Variants in ETNK2 observed in about 807,000 individuals in gnomAD.
ETNK2 encodes ethanolamine kinase 2.
Under a neutral mutation model 46.2 loss-of-function variants are expected in ETNK2, and 33 were observed. The ratio of observed to expected loss-of-function variants is 0.71; its 90% CI spans 0.54 to 0.96. The LOEUF is 0.96. Among genes scored for constraint, ETNK2 ranks in the 40% least tolerant of loss-of-function variants. The pLI is 0.00. For synonymous variants in ETNK2, 194 were observed against 209.0 expected (o/e 0.93, Z 0.62); for missense variants, 445 against 509.7 (o/e 0.87, Z 1.22).
chr1:204,135,067 T>C (rs1355483204), intron 6 of ETNK2, among the ~76,000 whole-genome samples: 1 of 152,058 alleles, frequency 6.6e-6, no homozygotes, highest in Non-Finnish European at 1.5e-5. Context: ...TGGGCAGCAG[T>C]GCCCTGGCCA....
chr1:204,135,011 G>A (rs570396492), intron 6 of ETNK2, among the ~76,000 whole-genome samples: 2 of 152,298 alleles, frequency 1.3e-5, no homozygotes, highest in South Asian at 2.1e-4. Flanking sequence ...TTAATGGTCA[G>A]TGGGGGGCTG....
intron 5 of ETNK2, among the ~76,000 whole-genome samples, chr1:204,138,423 T>G (rs1003460151): frequency 6.6e-6 from 1 of 152,204 alleles, no homozygotes; most frequent in South Asian, 2.1e-4. Context: ...GGACTTAAAA[T>G]GCTTAAGAAT....
intron 3 of ETNK2, chr1:204,141,951 C>T (rs1230035128): frequency 6.2e-6 from 1 of 160,312 alleles, no homozygotes; most frequent in South Asian, 1.8e-4. Context: ...CAAAGATCCT[C>T]CCCAGGAGGA....
At chr1:204,137,045 A>C in intron 6 of ETNK2, 59 bp downstream of exon 6, 1 of 1,592,472 alleles carries the variant, frequency 6.3e-7, no homozygotes, top group Non-Finnish European at 8.6e-7. Flanking sequence ...TAGGTGGGTC[A>C]CCAGTCCCTC....
intron 3 of ETNK2, among the ~76,000 whole-genome samples, chr1:204,145,019 G>A (rs1318587069): frequency 1.1e-4 from 16 of 152,312 alleles, no homozygotes; most frequent in Non-Finnish European, 1.3e-4. Flanking sequence ...TTAAATCCCA[G>A]TCAATCAATG....
chr1:204,131,636 G>T lies in ETNK2; in HGVS notation c.*548C>A, dbSNP rs916808701. 1 of 158,962 alleles carries T rather than the reference G, an allele frequency of 6.3e-6. No homozygotes were observed. The highest frequency in any genetic ancestry group is 2.4e-5 in the African/African-American group (1 of 41,568). 9.8% of individuals were successfully genotyped at this position (158,962 alleles called of 1,614,324 possible). A position where few individuals can be genotyped will look rare whatever the true frequency, so the allele number is the denominator to read the frequency against. On this transcript the variant is annotated 3_prime_UTR_variant, in exon 8 of 8. Coordinates refer to ENST00000367202, the MANE Select transcript of ETNK2 (RefSeq NM_018208.4). The surrounding 1 kb of genome is among the most constrained non-coding windows in gnomAD (Gnocchi z 4.3). ...AAGGTGAGGGATCTCAGAGGAGGTG[G>T]CTGCTGGGGAAGATGTCATGCTCAA...
Position 204,146,628 on chromosome 1 carries a change from C to T in ETNK2, c.641+14G>A. 1.2e-6 allele frequency: 2 copies of T among 1,613,862 alleles called. No individual in the cohort carries two copies. The highest frequency in any genetic ancestry group is 1.7e-6 in the Non-Finnish European group (2 of 1,179,828). ...CATATTAAGGCAGCCTTGGACCCTCCCAGATCTTTGTACCTGGGGTTGATC... is the reference window on the plus strand; with the variant it reads ...CATATTAAGGCAGCCTTGGACCCTCTCAGATCTTTGTACCTGGGGTTGATC... On this transcript the variant is annotated intron_variant, in intron 3 of 7. Transcript: ENST00000367202.
intron 6 of ETNK2, among the ~76,000 whole-genome samples, chr1:204,136,271 C>T (rs1038065836): frequency 9.9e-5 from 15 of 151,940 alleles, no homozygotes; most frequent in African/African-American, 3.6e-4. Context: ...GGTGGCACAC[C>T]TGTAATCCTA....
rs924060063 is a variant in ETNK2 at position 204,151,817 on chromosome 1, C to A, written c.36G>T (p.Ala12=). The change falls in exon 1 of 8, where the codon GCG becomes GCT. Residue 12 remains alanine (A), a synonymous_variant. Coordinates refer to ENST00000367202, the MANE Select transcript of ETNK2 (RefSeq NM_018208.4). This position sits in a 1 kb window ranked among gnomAD's most constrained non-coding sequence, Gnocchi z 8.0. ...AVPPSAPQPR[A]SFHLRRHTPC... ...GCGTGTGCCTCCTCAGGTGAAAGGA[C>A]GCGCGCGGCTGAGGGGCCGAAGGGG... 3.4e-6 allele frequency: 5 copies of A among 1,480,834 alleles called. No individual in the cohort carries two copies. Among genetic ancestry groups the A allele is most frequent in the Non-Finnish European group, 4.5e-6 (5 of 1,118,850 alleles). 91.7% of individuals were successfully genotyped at this position (1,480,834 alleles called of 1,614,324 possible). A position where few individuals can be genotyped will look rare whatever the true frequency, so the allele number is the denominator to read the frequency against.
chr1:204,137,876 A>G (rs963120296), intron 5 of ETNK2, among the ~76,000 whole-genome samples: 1 of 152,142 alleles, frequency 6.6e-6, no homozygotes, highest in Non-Finnish European at 1.5e-5. Context: ...GGTTTCTTCC[A>G]GCCCCACCAT....
chr1:204,138,458 G>T (rs1404716380), intron 5 of ETNK2, among the ~76,000 whole-genome samples: 1 of 152,198 alleles, frequency 6.6e-6, no homozygotes, highest in Non-Finnish European at 1.5e-5. Context: ...AGGCCAGGGG[G>T]CCTTGCAGCC....
At chr1:204,142,003 T>A (rs1176593994) in intron 3 of ETNK2, 1 of 157,982 alleles carries the variant, frequency 6.3e-6, no homozygotes, top group Non-Finnish European at 1.4e-5. Flanking sequence ...TGGAGCTCTC[T>A]TGAGGAGGCA....
intron 3 of ETNK2, among the ~76,000 whole-genome samples, chr1:204,144,082 C>T (rs893701512): frequency 6.6e-6 from 1 of 152,084 alleles, no homozygotes; most frequent in Admixed American, 6.5e-5. Flanking sequence ...CAGTGGCTTA[C>T]ACCTGTAATC....
At chr1:204,136,725 A>AT (rs1441595696) in intron 6 of ETNK2, among the ~76,000 whole-genome samples, 2,056 of 150,810 alleles carry the variant, frequency 0.014, 52 homozygotes, top group African/African-American at 0.047. Flanking sequence ...AAAAAAAAAA[A>AT]AAAAAAGTAT....
intron 7 of ETNK2, among the ~76,000 whole-genome samples, chr1:204,132,971 T>A (rs1162238116): frequency 6.6e-6 from 1 of 152,208 alleles, no homozygotes. Flanking sequence ...TCTACTTGGT[T>A]TCTATGGATT....
Position 204,146,787 on chromosome 1 carries a change from T to G in ETNK2, c.519-23A>C, listed in dbSNP as rs759601890. On this transcript the variant is annotated intron_variant, in intron 2 of 7. Transcript: ENST00000367202. ...AACCTACAGCAGGGAACAGGAAGAG[T>G]AGAGCATCAGTGCTGGGACATTGCC... 26 of 1,613,574 alleles carry G rather than the reference T, an allele frequency of 1.6e-5. No individual in the cohort carries two copies. In the African/African-American group the frequency reaches 1.9e-4, roughly 12 times the overall value.
intron 2 of ETNK2, chr1:204,147,632 A>G (rs1475267514): frequency 1.4e-5 from 7 of 496,030 alleles, no homozygotes; most frequent in African/African-American, 9.9e-5. Context: ...TGTTGCTTGA[A>G]TAACAATCAC....
chr1:204,147,067 T>A (rs1458347078), intron 2 of ETNK2: 1 of 505,628 alleles, frequency 2.0e-6, no homozygotes, highest in Non-Finnish European at 3.9e-6. Context: ...GGCCTTGTCC[T>A]ACCCCAGTGT....
intron 2 of ETNK2, chr1:204,147,701 G>T: frequency 5.0e-6 from 2 of 399,950 alleles, no homozygotes; most frequent in South Asian, 1.9e-5. Flanking sequence ...TGTTCAAGGG[G>T]TATCCTTTCT....
Sources: allele counts gnomAD v4.1 joint callset (sites outside exome capture counted in the v4.1 genomes callset), GRCh38; gene constraint gnomAD v4.1.1; non-coding constraint Gnocchi (gnomAD v3.1); transcripts MANE v1.5; gene names NCBI Gene and HGNC (gene_info 2026-07-23, HGNC 2026-07-21).